The following PDE6H variants were observed in gnomAD, a reference collection of about 807,000 sequenced individuals.
PDE6H encodes the protein phosphodiesterase 6H.
A neutral mutation model predicts 9.2 loss-of-function variants in PDE6H; 11 were observed. That is an observed-to-expected ratio of 1.19 (90% CI 0.75 to 1.97). The LOEUF (loss-of-function observed/expected upper bound fraction) is 1.97. Ranked by LOEUF, PDE6H falls within the 30% of genes most tolerant of loss-of-function variation. The pLI, the probability that PDE6H is intolerant of heterozygous loss-of-function variation, is 0.00. For missense variants in PDE6H, 98 were observed against 101.5 expected, an observed-to-expected ratio of 0.97 and a Z score of 0.15; for synonymous variants, 36 against 33.6, an observed-to-expected ratio of 1.07 and a Z score of -0.25.
rs773192510 is a variant in PDE6H, at chr12:14,979,266, GC to G, written c.175+49del. On this transcript the variant is annotated intron_variant, in intron 3 of 3. Coordinates refer to ENST00000266395, the MANE Select transcript of PDE6H (RefSeq NM_006205.3). ...GTGAGAACTTCGCACTTGGAGTTCT[GC>G]CTTTTTATATACTTCAGGCCTCAAG... 20 of 1,343,260 alleles carry G rather than the reference GC, an allele frequency of 1.5e-5. No homozygotes were observed. In the East Asian group the frequency reaches 2.1e-4, roughly 14 times the overall value. The allele number at this position is 1,343,260 out of a possible 1,614,324, so 83.2% of individuals were successfully genotyped here.
In PDE6H at chr12:14,977,202, G is replaced by A. The variant is rs539480390; in HGVS notation, c.-41-770G>A. 6.6e-5 allele frequency among the ~76,000 whole-genome samples: 10 copies of A among 152,300 alleles called. No individual in the cohort carries two copies. In the South Asian group the frequency reaches 2.1e-3, roughly 32 times the overall value. ...TAAGATGTGTTGAATATATTCATGG[G>A]TGTTGGTATTCCTGCTTCAGAGGTC... On this transcript the variant is annotated intron_variant, in intron 1 of 3. Transcript: ENST00000266395.
At chr12:14,979,151 C>G in intron 2 of PDE6H, 28 bp from the exon 3 acceptor site, 1 of 1,557,812 alleles carries the variant, frequency 6.4e-7, no homozygotes, top group Non-Finnish European at 8.9e-7. Flanking sequence ...CTAATCTCAG[C>G]TAATTTCTCC....
At chr12:14,974,124 A>T (rs1159180621) in intron 1 of PDE6H, among the ~76,000 whole-genome samples, 1 of 152,240 alleles carries the variant, frequency 6.6e-6, no homozygotes, top group African/African-American at 2.4e-5. Flanking sequence ...GTTCTGGCTC[A>T]CAAAAGAATA....
chr12:14,978,434 G>A (rs1864630536), intron 2 of PDE6H, among the ~76,000 whole-genome samples: 3 of 152,114 alleles, frequency 2.0e-5, no homozygotes, highest in Admixed American at 2.0e-4. Context: ...CCTCTTTACT[G>A]AGACAACCTC....
At chr12:14,976,014 G>T (rs537317834) in intron 1 of PDE6H, among the ~76,000 whole-genome samples, 4 of 151,988 alleles carry the variant, frequency 2.6e-5, no homozygotes. Flanking sequence ...TAGAGATGGG[G>T]TTTCACCGTG....
At chr12:14,979,064 A>T in intron 2 of PDE6H, 115 bp from the exon 3 acceptor site, 1 of 748,160 alleles carries the variant, frequency 1.3e-6, no homozygotes, top group Non-Finnish European at 2.4e-6. Context: ...TTTCTCACAT[A>T]CAAACACTTA....
intron 2 of PDE6H, among the ~76,000 whole-genome samples, chr12:14,978,854 A>G (rs1478619392): frequency 6.6e-6 from 1 of 152,220 alleles, no homozygotes; most frequent in African/African-American, 2.4e-5. Flanking sequence ...ATCATTTTTA[A>G]TGCCTTTTGT....
chr12:14,977,729 TTG>T (rs892453560), intron 1 of PDE6H, among the ~76,000 whole-genome samples: 1 of 152,232 alleles, frequency 6.6e-6, no homozygotes, highest in Admixed American at 6.5e-5. Context: ...AACTGATAGA[TTG>T]TGTAAGTAAT....
intron 3 of PDE6H, among the ~76,000 whole-genome samples, chr12:14,980,666 C>T (rs1864668419): frequency 6.6e-6 from 1 of 152,160 alleles, no homozygotes; most frequent in Admixed American, 6.5e-5. Flanking sequence ...ACAAGACCAG[C>T]AAATTTGCTT....
chr12:14,981,722 A>T lies in PDE6H; in HGVS notation c.*246A>T. 1 of 581,940 alleles carries T rather than the reference A, an allele frequency of 1.7e-6. No individual in the cohort carries two copies. The highest frequency in any genetic ancestry group is 3.1e-6 in the Non-Finnish European group (1 of 326,432). The allele number at this position is 581,940 out of a possible 1,614,324, so 36.0% of individuals were successfully genotyped here. A position where few individuals can be genotyped will look rare whatever the true frequency, so the allele number is the denominator to read the frequency against. On this transcript the variant is annotated 3_prime_UTR_variant, in exon 4 of 4. Coordinates refer to ENST00000266395, the MANE Select transcript of PDE6H (RefSeq NM_006205.3). ...CCTACCAGCTAGTTAGAAGTCATCA[A>T]TATTTCTCTACATTTTGTTTATCTG...
intron 1 of PDE6H, among the ~76,000 whole-genome samples, chr12:14,976,631 G>A (rs1371710327): frequency 6.6e-6 from 1 of 152,074 alleles, no homozygotes; most frequent in Non-Finnish European, 1.5e-5. Flanking sequence ...TGAGGCTGTA[G>A]TGAGCTATGA....
chr12:14,981,264 A>G, intron 3 of PDE6H, 136 bp from the exon 4 acceptor site: 1 of 762,292 alleles, frequency 1.3e-6, no homozygotes, highest in Non-Finnish European at 2.4e-6. Flanking sequence ...CCACAGGGCC[A>G]CGCTAGGGAA....
At chr12:14,974,264 T>C (rs1481150305) in intron 1 of PDE6H, among the ~76,000 whole-genome samples, 2 of 152,236 alleles carry the variant, frequency 1.3e-5, no homozygotes, top group Non-Finnish European at 2.9e-5. Flanking sequence ...CAGCATGAGG[T>C]TAGCCTTTGG....
chr12:14,974,985 G>T (rs998874220), intron 1 of PDE6H, among the ~76,000 whole-genome samples: 1 of 152,168 alleles, frequency 6.6e-6, no homozygotes, highest in African/African-American at 2.4e-5. Context: ...CTAAAAGGAA[G>T]GTCTTGTTTG....
At chr12:14,981,283 T>A in intron 3 of PDE6H, 117 bp from the exon 4 acceptor site, 1 of 787,384 alleles carries the variant, frequency 1.3e-6, no homozygotes, top group Non-Finnish European at 2.3e-6. Context: ...AACTTCCCAG[T>A]CAGGGGACAA....
chr12:14,973,511 C>G (rs184791374), intron 1 of PDE6H, among the ~76,000 whole-genome samples: 1 of 152,136 alleles, frequency 6.6e-6, no homozygotes, highest in East Asian at 1.9e-4. Flanking sequence ...AGAAGGGGAG[C>G]TGAGAGCATG....
Position 14,981,620 on chromosome 12 carries a change from A to T in PDE6H, c.*144A>T. The T allele has an allele frequency of 2.9e-6, 2 of 701,016 alleles. No homozygotes were observed. The highest frequency in any genetic ancestry group is 5.2e-6 in the Non-Finnish European group (2 of 383,050). 43.4% of individuals were successfully genotyped at this position (701,016 alleles called of 1,614,324 possible). On this transcript the variant is annotated 3_prime_UTR_variant, in exon 4 of 4. Coordinates refer to ENST00000266395, the MANE Select transcript of PDE6H (RefSeq NM_006205.3). ...GGTCATTCCCTATCAGTTACTACTA[A>T]GAGTTCTCTTACTGTCAGAATCTCT... is the stretch of plus-strand genomic sequence containing the variant.
intron 1 of PDE6H, among the ~76,000 whole-genome samples, chr12:14,975,859 C>T (rs528916599): frequency 3.0e-4 from 42 of 139,418 alleles, no homozygotes; most frequent in African/African-American, 1.1e-3. Flanking sequence ...CTTGCCCTGT[C>T]GCCCAGGCTG....
At position 14,981,682 on chromosome 12, in the gene PDE6H, A is replaced by G; in HGVS notation, c.*206A>G. The G allele has an allele frequency of 1.6e-6, 1 of 616,510 alleles. No individual in the cohort carries two copies. The highest frequency in any genetic ancestry group is 2.9e-6 in the Non-Finnish European group (1 of 343,344). The allele number at this position is 616,510 out of a possible 1,614,324, so 38.2% of individuals were successfully genotyped here. ...GCTCAAAATAGTGGATGCATTTCAAACTTGACCACCTTTTCCTACCAGCTA... is the reference window on the plus strand; with the variant it reads ...GCTCAAAATAGTGGATGCATTTCAAGCTTGACCACCTTTTCCTACCAGCTA... On this transcript the variant is annotated 3_prime_UTR_variant, in exon 4 of 4. Coordinates refer to ENST00000266395, the MANE Select transcript of PDE6H (RefSeq NM_006205.3).
Sources: gnomAD v4.1 joint callset for allele counts (sites outside exome capture counted in the v4.1 genomes callset) on GRCh38, gnomAD v4.1.1 for gene constraint, MANE v1.5 for transcripts, NCBI Gene and HGNC (gene_info 2026-07-23, HGNC 2026-07-21) for gene names.